Variants in RABGAP1L observed in about 807,000 individuals in gnomAD.
RABGAP1L encodes RAB GTPase activating protein 1 like, also known as rab GTPase-activating protein 1-like.
Under a neutral mutation model 137.7 loss-of-function variants are expected in RABGAP1L, and 63 were observed. The observed-to-expected ratio is 0.46, with a 90% confidence interval of 0.37 to 0.56. The LOEUF is 0.56. RABGAP1L is among the 20% of genes least tolerant of loss of function. The pLI is 0.00. For missense variants in RABGAP1L, 1,095 were observed against 1,244.0 expected, an observed-to-expected ratio of 0.88 and a Z score of 1.80; for synonymous variants, 431 against 433.7, an observed-to-expected ratio of 0.99 and a Z score of 0.08.
intron 19 of RABGAP1L, among the ~76,000 whole-genome samples, chr1:174,941,686 GAAACA>G (rs140349820): frequency 0.39 from 58,229 of 150,234 alleles, 14,042 homozygotes; most frequent in African/African-American, 0.69. Flanking sequence ...CCACCAAAAC[GAAACA>G]AAACAAAACA....
intron 18 of RABGAP1L, among the ~76,000 whole-genome samples, chr1:174,766,513 A>G (rs1376984196): frequency 6.6e-6 from 1 of 152,226 alleles, no homozygotes; most frequent in Non-Finnish European, 1.5e-5. Flanking sequence ...AAGTTTTGAG[A>G]TAAGGAAGTG....
chr1:174,212,417 A>T (rs776084170), intron 1 of RABGAP1L, among the ~76,000 whole-genome samples: 8 of 152,092 alleles, frequency 5.3e-5, no homozygotes, highest in Non-Finnish European at 1.0e-4. Context: ...ACACATGGAA[A>T]TTAAACAACA....
intron 13 of RABGAP1L, among the ~76,000 whole-genome samples, chr1:174,576,836 A>T (rs147076057): frequency 1.0e-3 from 153 of 152,290 alleles, no homozygotes; most frequent in African/African-American, 3.3e-3. Context: ...AAGGTTATGC[A>T]GAAAAATCTA....
intron 19 of RABGAP1L, among the ~76,000 whole-genome samples, chr1:174,833,384 G>A (rs1408422420): frequency 1.4e-3 from 84 of 58,666 alleles, no homozygotes; most frequent in Non-Finnish European, 1.9e-3. Flanking sequence ...GTGTGTGTGT[G>A]TGTGTGTGTG....
intron 1 of RABGAP1L, among the ~76,000 whole-genome samples, chr1:174,169,853 C>G (rs527468912): frequency 6.6e-6 from 1 of 152,040 alleles, no homozygotes; most frequent in East Asian, 1.9e-4. Flanking sequence ...ACCCACCACA[C>G]TCTGCTAATT....
At chr1:174,823,412 T>TTTTA (rs1229207313) in intron 19 of RABGAP1L, among the ~76,000 whole-genome samples, 1 of 152,236 alleles carries the variant, frequency 6.6e-6, no homozygotes, top group East Asian at 1.9e-4. Context: ...CTTTGAATTA[T>TTTTA]TTTATTTATT....
At chr1:174,963,212 C>CT (rs1211744042) in intron 20 of RABGAP1L, among the ~76,000 whole-genome samples, 1 of 152,018 alleles carries the variant, frequency 6.6e-6, no homozygotes, top group East Asian at 1.9e-4. Flanking sequence ...AAATAATGTG[C>CT]TTTTAAGGAA....
At chr1:174,309,256 C>T (rs1048029938) in intron 11 of RABGAP1L, among the ~76,000 whole-genome samples, 19 of 151,930 alleles carry the variant, frequency 1.3e-4, no homozygotes, top group East Asian at 1.9e-4. Context: ...AACAGTTTTT[C>T]GATGGAGTGT....
At chr1:174,334,373 G>C (rs557361423) in intron 11 of RABGAP1L, among the ~76,000 whole-genome samples, 1 of 152,238 alleles carries the variant, frequency 6.6e-6, no homozygotes, top group East Asian at 1.9e-4. Flanking sequence ...TGGAGTCTGT[G>C]TTCCACACAC....
intron 13 of RABGAP1L, among the ~76,000 whole-genome samples, chr1:174,416,927 T>A (rs1460698599): frequency 6.6e-6 from 1 of 152,136 alleles, no homozygotes; most frequent in Non-Finnish European, 1.5e-5. Flanking sequence ...TATAAACTAA[T>A]GAGAATTTTA....
Position 174,338,294 on chromosome 1 carries a change from A to G in RABGAP1L, c.1466-32685A>G, listed in dbSNP as rs141444168. ...ATTCTAGCCTCAATCATATGTAATC[A>G]TTATGTATTTTAAAAATACAACAAC... On this transcript the variant is annotated intron_variant, in intron 11 of 25. Transcript: ENST00000681986. 1.3e-4 allele frequency among the ~76,000 whole-genome samples: 20 copies of G among 152,298 alleles called. No individual in the cohort carries two copies. The East Asian group carries it at 3.7e-3, about 28-fold the overall frequency.
At chr1:174,502,020 A>G in intron 13 of RABGAP1L, among the ~76,000 whole-genome samples, 1 of 151,822 alleles carries the variant, frequency 6.6e-6, no homozygotes, top group South Asian at 2.1e-4. Flanking sequence ...GAAACTCTTA[A>G]TTAAAAGAAA....
intron 13 of RABGAP1L, among the ~76,000 whole-genome samples, chr1:174,527,888 A>G (rs1037776736): frequency 1.4e-5 from 2 of 138,918 alleles, no homozygotes; most frequent in Admixed American, 7.2e-5. Context: ...TTACTTTATC[A>G]TTATATACTT....
At chr1:174,803,429 A>T (rs1688946747) in intron 18 of RABGAP1L, among the ~76,000 whole-genome samples, 1 of 152,242 alleles carries the variant, frequency 6.6e-6, no homozygotes, top group South Asian at 2.1e-4. Flanking sequence ...GAAACAGGAG[A>T]TGCAAACATC....
At chr1:174,387,748 A>G (rs990517442) in intron 12 of RABGAP1L, among the ~76,000 whole-genome samples, 27 of 152,096 alleles carry the variant, frequency 1.8e-4, no homozygotes, top group Admixed American at 1.2e-3. Context: ...CATTTTTTTC[A>G]GAAATAAAAT....
At chr1:174,633,456 G>T (rs1441847313) in intron 13 of RABGAP1L, among the ~76,000 whole-genome samples, 1 of 151,276 alleles carries the variant, frequency 6.6e-6, no homozygotes, top group African/African-American at 2.5e-5. Context: ...TGGCCATACT[G>T]CCCAAGGTAA....
chr1:174,323,461 A>G (rs988508029), intron 11 of RABGAP1L, among the ~76,000 whole-genome samples: 36 of 152,120 alleles, frequency 2.4e-4, no homozygotes, highest in Admixed American at 6.6e-5. Context: ...TAGTATTTTT[A>G]ATGTTCCCTT....
intron 19 of RABGAP1L, among the ~76,000 whole-genome samples, chr1:174,870,884 C>T (rs1261348412): frequency 1.3e-5 from 2 of 151,432 alleles, no homozygotes; most frequent in Non-Finnish European, 2.9e-5. Flanking sequence ...ACTACAGGCG[C>T]CTGCCACAAC....
chr1:174,821,706 A>G (rs1691044560), intron 19 of RABGAP1L, among the ~76,000 whole-genome samples: 1 of 152,204 alleles, frequency 6.6e-6, no homozygotes, highest in Non-Finnish European at 1.5e-5. Flanking sequence ...GTACGTGAAC[A>G]AGAATGTACT....
Sources: gnomAD v4.1 joint callset for allele counts (sites outside exome capture counted in the v4.1 genomes callset) on GRCh38, gnomAD v4.1.1 for gene constraint, MANE v1.5 for transcripts, NCBI Gene and HGNC (gene_info 2026-07-23, HGNC 2026-07-21) for gene names.